The following CADM2 variants were observed in gnomAD, a reference collection of about 807,000 sequenced individuals.
The protein encoded by CADM2 is cell adhesion molecule 2.
CADM2 carries 12 observed loss-of-function variants against 49.8 expected under a neutral mutation model. That is an observed-to-expected ratio of 0.24 (90% CI 0.15 to 0.39). CADM2 has a LOEUF of 0.39. Ranked by LOEUF, CADM2 falls within the 10% of genes least tolerant of loss-of-function variation. The pLI is 1.00. For missense variants in CADM2, 378 were observed against 492.3 expected (o/e 0.77, Z 2.20); for synonymous variants, 214 against 175.4 (o/e 1.22, Z -1.74).
At chr3:85,769,566 C>A in intron 2 of CADM2, among the ~76,000 whole-genome samples, 1 of 56,760 alleles carries the variant, frequency 1.8e-5, no homozygotes, top group East Asian at 4.4e-4. Context: ...TATATATACA[C>A]GTATATACAT....
intron 6 of CADM2, among the ~76,000 whole-genome samples, chr3:85,918,466 T>A: frequency 6.6e-6 from 1 of 152,132 alleles, no homozygotes; most frequent in Non-Finnish European, 1.5e-5. Context: ...TTATTGATTT[T>A]CGTATGTTGG....
At chr3:85,434,788 A>T (rs898233449) in intron 1 of CADM2, among the ~76,000 whole-genome samples, 11 of 152,106 alleles carry the variant, frequency 7.2e-5, no homozygotes, top group African/African-American at 2.7e-4. Flanking sequence ...CTGAACCAGG[A>T]TTCCTCAGTT....
chr3:85,621,588 G>A (rs1022343777), intron 1 of CADM2, among the ~76,000 whole-genome samples: 2 of 152,044 alleles, frequency 1.3e-5, no homozygotes, highest in African/African-American at 4.8e-5. Flanking sequence ...ACTCTGCTCT[G>A]TTTTTTAACA....
chr3:85,331,441 T>A (rs1487549331), intron 1 of CADM2, among the ~76,000 whole-genome samples: 6 of 151,754 alleles, frequency 4.0e-5, no homozygotes, highest in Admixed American at 1.3e-4. Flanking sequence ...AATGAAAGCA[T>A]TTATAGTGTG....
chr3:85,486,325 T>C (rs148943999), intron 1 of CADM2, among the ~76,000 whole-genome samples: 291 of 151,764 alleles, frequency 1.9e-3, no homozygotes, highest in African/African-American at 6.4e-3. Flanking sequence ...AATAGAAACA[T>C]TTTGGCTAAT....
rs537536498 is a variant in CADM2 at position 84,992,651 on chromosome 3, A to T, written c.61+32983A>T. ...TCAACAACAACACAAAAATTAATAA[A>T]CAAATAACTAGTTTTTTTGGTACCT... On this transcript the variant is annotated intron_variant, in intron 1 of 9. Coordinates refer to ENST00000383699, the MANE Select transcript of CADM2 (RefSeq NM_001167675.2). Among the ~76,000 whole-genome samples, 5 of 152,210 alleles carry T rather than the reference A, an allele frequency of 3.3e-5. No homozygotes were observed. In the East Asian group the frequency reaches 9.7e-4, roughly 29 times the overall value.
At chr3:85,983,900 C>T (rs1290876046) in intron 8 of CADM2, among the ~76,000 whole-genome samples, 1 of 151,242 alleles carries the variant, frequency 6.6e-6, no homozygotes. Context: ...TTAAAGTATT[C>T]TTAATCTATA....
chr3:86,041,393 G>C (rs554016216), intron 8 of CADM2, among the ~76,000 whole-genome samples: 13 of 151,928 alleles, frequency 8.6e-5, no homozygotes, highest in Non-Finnish European at 1.5e-4. Context: ...GAAGATCTAC[G>C]AAGCAAATGG....
chr3:85,996,793 C>A (rs918834326), intron 8 of CADM2, among the ~76,000 whole-genome samples: 1 of 152,130 alleles, frequency 6.6e-6, no homozygotes, highest in African/African-American at 2.4e-5. Context: ...TCTGAGAAGA[C>A]AGTTATTGAG....
chr3:85,504,022 T>G (rs2040218500), intron 1 of CADM2, among the ~76,000 whole-genome samples: 1 of 152,190 alleles, frequency 6.6e-6, no homozygotes, highest in South Asian at 2.1e-4. Flanking sequence ...TAATAGAAAA[T>G]ATTGTGTCCG....
At chr3:85,244,140 A>C (rs923893398) in intron 1 of CADM2, among the ~76,000 whole-genome samples, 1 of 152,152 alleles carries the variant, frequency 6.6e-6, no homozygotes, top group African/African-American at 2.4e-5. Flanking sequence ...TATTTTACAT[A>C]TGTATAAAAG....
chr3:85,806,014 A>C (rs1277140306), intron 3 of CADM2, among the ~76,000 whole-genome samples: 1 of 152,194 alleles, frequency 6.6e-6, no homozygotes, highest in Non-Finnish European at 1.5e-5. Context: ...ATGCAGTATC[A>C]GAATATTTTA....
At chr3:85,850,296 T>C (rs1449526321) in intron 3 of CADM2, among the ~76,000 whole-genome samples, 1 of 151,120 alleles carries the variant, frequency 6.6e-6, no homozygotes, top group Non-Finnish European at 1.5e-5. Context: ...CTGCTCTCTG[T>C]TCTGGTCTGT....
intron 1 of CADM2, among the ~76,000 whole-genome samples, chr3:85,124,689 C>T (rs1163650914): frequency 6.6e-6 from 1 of 152,108 alleles, no homozygotes; most frequent in Non-Finnish European, 1.5e-5. Context: ...TCAATTACAC[C>T]TAAGCTAAGG....
At chr3:85,444,280 G>A (rs2037344062) in intron 1 of CADM2, among the ~76,000 whole-genome samples, 1 of 152,086 alleles carries the variant, frequency 6.6e-6, no homozygotes, top group Non-Finnish European at 1.5e-5. Context: ...TTGAATATCA[G>A]AGTAACTTGT....
rs374595210 is a variant in CADM2, at chr3:85,979,389, A to G, written c.970+17742A>G. The G allele has an allele frequency of 7.0e-5, 91 of 1,305,196 alleles. No homozygotes were observed. In the African/African-American group the frequency reaches 1.2e-3, roughly 17 times the overall value. 80.9% of individuals were successfully genotyped at this position (1,305,196 alleles called of 1,614,324 possible). ...TGAGATTCAATTTTACTTAATTATG[A>G]GAAGTAATTAAGTCACCTAAATTGC... On this transcript the variant is annotated intron_variant, in intron 8 of 9. Coordinates refer to ENST00000383699, the MANE Select transcript of CADM2 (RefSeq NM_001167675.2).
At chr3:85,033,517 CTTATTCCTTG>C (rs1177296995) in intron 1 of CADM2, among the ~76,000 whole-genome samples, 2 of 152,140 alleles carry the variant, frequency 1.3e-5, no homozygotes, top group Non-Finnish European at 1.5e-5. Context: ...TCTGTTATTC[CTTATTCCTTG>C]TTATTCCTTG....
At position 85,320,538 on chromosome 3, in the gene CADM2, G is replaced by C. The variant is rs528034075; in HGVS notation, c.61+360870G>C. ...GTCCCCTGACATCAGTTTGGTTCAC[G>C]GAGACAATCTTGACAAGGTAGCAGA... On this transcript the variant is annotated intron_variant, in intron 1 of 9. Coordinates refer to ENST00000383699, the MANE Select transcript of CADM2 (RefSeq NM_001167675.2). Among the ~76,000 whole-genome samples the C allele has an allele frequency of 5.3e-4, 81 of 152,180 alleles. No individual in the cohort carries two copies. The South Asian group carries it at 7.7e-3, about 14-fold the overall frequency.
chr3:85,892,852 G>A (rs953598751), intron 5 of CADM2, among the ~76,000 whole-genome samples: 2 of 152,306 alleles, frequency 1.3e-5, no homozygotes, highest in South Asian at 4.1e-4. Flanking sequence ...ACAGGAAAAT[G>A]TGGGAAAATT....
Sources: allele counts gnomAD v4.1 joint callset (sites outside exome capture counted in the v4.1 genomes callset), GRCh38; gene constraint gnomAD v4.1.1; transcripts MANE v1.5; gene names NCBI Gene and HGNC (gene_info 2026-07-23, HGNC 2026-07-21).